ATG5: variants seen among roughly 807,000 people sequenced by gnomAD.
ATG5 encodes autophagy protein 5.
ATG5 carries 14 observed loss-of-function variants against 36.5 expected under a neutral mutation model. The observed-to-expected ratio is 0.38, with a 90% CI of 0.25 to 0.60. The LOEUF is 0.60. Ranked by LOEUF, ATG5 falls within the 20% of genes least tolerant of loss-of-function variation. The pLI is 0.60. For synonymous variants in ATG5, 95 were observed against 101.5 expected, an observed-to-expected ratio of 0.94 and a Z score of 0.38; for missense variants, 195 against 326.7, an observed-to-expected ratio of 0.60 and a Z score of 3.11.
chr6:106,238,481 C>A (rs1777984384), intron 6 of ATG5, among the ~76,000 whole-genome samples: 5 of 152,202 alleles, frequency 3.3e-5, no homozygotes, highest in Admixed American at 3.3e-4. Context: ...CCCTTTCCTC[C>A]AAATTCCATC....
Position 106,253,037 on chromosome 6 carries a change from A to T in ATG5, c.479-4793T>A, listed in dbSNP as rs142730612. ...GTAATAATTGTATTGTTTTAATCAG[A>T]GGCTTTCAAGGTATGTAACAGAAAA... is the stretch of plus-strand genomic sequence containing the variant. On this transcript the variant is annotated intron_variant, in intron 5 of 7. Coordinates refer to ENST00000369076, the MANE Select transcript of ATG5 (RefSeq NM_004849.4). Among the ~76,000 whole-genome samples the T allele has an allele frequency of 4.1e-3, 628 of 152,388 alleles. 5 individuals are homozygous for T. The highest frequency in any genetic ancestry group is 0.014 in the African/African-American group (597 of 41,596).
At chr6:106,208,671 A>AAAC (rs560085242) in intron 6 of ATG5, among the ~76,000 whole-genome samples, 167 of 152,350 alleles carry the variant, frequency 1.1e-3, no homozygotes, top group African/African-American at 3.8e-3. Context: ...AATTAAAATT[A>AAAC]AACAACAACA....
chr6:106,305,984 A>AACACTAAAG (rs1342921595), intron 3 of ATG5, among the ~76,000 whole-genome samples: 1 of 152,222 alleles, frequency 6.6e-6, no homozygotes, highest in Admixed American at 6.5e-5. Context: ...CTAAAGGAAA[A>AACACTAAAG]GATGCATCAA....
intron 4 of ATG5, among the ~76,000 whole-genome samples, chr6:106,288,771 T>C (rs1468729719): frequency 6.6e-6 from 1 of 152,192 alleles, no homozygotes; most frequent in Admixed American, 6.5e-5. Flanking sequence ...ACATTAAAGT[T>C]TGAAAATCAC....
At chr6:106,293,474 A>T (rs570503514) in intron 3 of ATG5, among the ~76,000 whole-genome samples, 1 of 152,360 alleles carries the variant, frequency 6.6e-6, no homozygotes, top group Admixed American at 6.5e-5. Flanking sequence ...TTTTACTTTT[A>T]GAACTTAAAA....
At chr6:106,197,121 T>C (rs1039713861) in intron 7 of ATG5, among the ~76,000 whole-genome samples, 2 of 152,200 alleles carry the variant, frequency 1.3e-5, no homozygotes, top group African/African-American at 4.8e-5. Flanking sequence ...TTGGGTTTCA[T>C]TGCAGTGTTC....
At chr6:106,191,278 C>T (rs1256837753) in intron 7 of ATG5, among the ~76,000 whole-genome samples, 1 of 151,966 alleles carries the variant, frequency 6.6e-6, no homozygotes, top group Admixed American at 6.6e-5. Context: ...TATGTAGAAA[C>T]CCAATATACA....
At chr6:106,211,225 T>C (rs1776838623) in intron 6 of ATG5, among the ~76,000 whole-genome samples, 1 of 152,092 alleles carries the variant, frequency 6.6e-6, no homozygotes, top group Non-Finnish European at 1.5e-5. Flanking sequence ...TAAAAAGCTA[T>C]GAAAGAGAAA....
At chr6:106,212,083 T>C (rs1412679065) in intron 6 of ATG5, among the ~76,000 whole-genome samples, 1 of 152,226 alleles carries the variant, frequency 6.6e-6, no homozygotes, top group East Asian at 1.9e-4. Context: ...TAATCAAGAA[T>C]ATAATTAGAT....
intron 6 of ATG5, among the ~76,000 whole-genome samples, chr6:106,243,003 GAAACA>G (rs1207801217): frequency 6.6e-6 from 1 of 152,112 alleles, no homozygotes; most frequent in Non-Finnish European, 1.5e-5. Context: ...AACATTTCTG[GAAACA>G]AAACAGAGTC....
chr6:106,287,922 A>C (rs557147395), intron 4 of ATG5, among the ~76,000 whole-genome samples: 1 of 152,172 alleles, frequency 6.6e-6, no homozygotes, highest in Non-Finnish European at 1.5e-5. Flanking sequence ...AATGTTAAAA[A>C]GCAGCAAATC....
intron 6 of ATG5, among the ~76,000 whole-genome samples, chr6:106,229,380 C>T (rs1316588006): frequency 6.6e-6 from 1 of 151,160 alleles, no homozygotes; most frequent in Non-Finnish European, 1.5e-5. Flanking sequence ...CAGAGAGAGA[C>T]AGAGAGAAAG....
At chr6:106,196,245 G>A (rs1026496782) in intron 7 of ATG5, among the ~76,000 whole-genome samples, 9 of 152,090 alleles carry the variant, frequency 5.9e-5, no homozygotes, top group Non-Finnish European at 1.3e-4. Context: ...ACAAATTGAA[G>A]ACTAAGATTT....
intron 5 of ATG5, among the ~76,000 whole-genome samples, chr6:106,278,447 T>G (rs2114598164): frequency 6.6e-6 from 1 of 152,330 alleles, no homozygotes; most frequent in East Asian, 1.9e-4. Context: ...ATGAAATTTT[T>G]TATAGCATCA....
chr6:106,188,756 A>G (rs914967271), intron 7 of ATG5, among the ~76,000 whole-genome samples: 1 of 152,192 alleles, frequency 6.6e-6, no homozygotes, highest in Non-Finnish European at 1.5e-5. Flanking sequence ...GCCACTTTTA[A>G]TTTTTAACAT....
At chr6:106,289,915 G>A (rs1056012226) in intron 4 of ATG5, among the ~76,000 whole-genome samples, 3 of 152,082 alleles carry the variant, frequency 2.0e-5, no homozygotes, top group Admixed American at 1.3e-4. Flanking sequence ...AGTATATAAA[G>A]AAAATTCAGG....
At position 106,185,958 on chromosome 6, in the gene ATG5, C is replaced by T. The variant is rs941382852; in HGVS notation, c.*582G>A. The stretch of plus-strand genomic sequence containing the variant: ...ATATTTAGAGGCTTTATTTAAAAAT[C>T]TCTCACTGTTCATTATCAAAGTTAC... On this transcript the variant is annotated 3_prime_UTR_variant, in exon 8 of 8. Coordinates refer to ENST00000369076, the MANE Select transcript of ATG5 (RefSeq NM_004849.4). The T allele has an allele frequency of 6.5e-6, 1 of 152,768 alleles. No homozygotes were observed. Among genetic ancestry groups the T allele is most frequent in the Non-Finnish European group, 1.5e-5 (1 of 68,056 alleles). 9.5% of individuals were successfully genotyped at this position (152,768 alleles called of 1,614,324 possible). A position where few individuals can be genotyped will look rare whatever the true frequency, so the allele number is the denominator to read the frequency against.
At chr6:106,204,206 T>C (rs922859516) in intron 6 of ATG5, among the ~76,000 whole-genome samples, 2 of 152,092 alleles carry the variant, frequency 1.3e-5, no homozygotes, top group African/African-American at 4.8e-5. Context: ...TGCACATGTA[T>C]TCCAGAACTT....
intron 4 of ATG5, among the ~76,000 whole-genome samples, chr6:106,287,974 C>CT (rs756510208): frequency 0.035 from 4,854 of 140,470 alleles, 123 homozygotes; most frequent in African/African-American, 0.082. Context: ...CCACAATTAA[C>CT]TTTTTTTTTT....
Sources: allele counts gnomAD v4.1 joint callset (sites outside exome capture counted in the v4.1 genomes callset), GRCh38; gene constraint gnomAD v4.1.1; transcripts MANE v1.5; gene names NCBI Gene and HGNC (gene_info 2026-07-23, HGNC 2026-07-21).